Variants in EPB41L3 observed in about 807,000 individuals in gnomAD.
The protein encoded by EPB41L3 is band 4.1-like protein 3.
Under a neutral mutation model 127.1 loss-of-function variants are expected in EPB41L3, and 57 were observed. The ratio of observed to expected loss-of-function variants is 0.45; its 90% confidence interval spans 0.36 to 0.56. The LOEUF is 0.56. Ranked by LOEUF, EPB41L3 falls within the 20% of genes least tolerant of loss-of-function variation. The pLI is 0.00. For synonymous variants in EPB41L3, 572 were observed against 549.5 expected, an observed-to-expected ratio of 1.04 and a Z score of -0.57; for missense variants, 1,273 against 1,372.2, an observed-to-expected ratio of 0.93 and a Z score of 1.14.
chr18:5,406,859 T>G lies in EPB41L3; in HGVS notation c.2267A>C (p.Glu756Ala), dbSNP rs1293929028. The G allele has an allele frequency of 1.4e-5, 22 of 1,614,096 alleles. No homozygotes were observed. Among genetic ancestry groups the G allele is most frequent in the Non-Finnish European group, 1.9e-5 (22 of 1,180,028 alleles). Residue 756 changes from glutamate to alanine, a missense_variant, in exon 16 of 23, where the codon GAG (glutamate) becomes GCG (alanine). This residue lies in a region of EPB41L3 where 765 missense variants were observed against 782.9 expected (regional missense o/e 0.98). Transcript: ENST00000341928. Reference sequence around the variant, plus strand: ...CACGGGGGAGGTGGAAAGCCTCTTCTCCCATTCATTCGTTACGGCAGTGTC... The same window carrying G: ...CACGGGGGAGGTGGAAAGCCTCTTCGCCCATTCATTCGTTACGGCAGTGTC... Reference protein sequence around the residue: ...STDTAVTNEWEKRLSTSPVRL... With the variant: ...STDTAVTNEWAKRLSTSPVRL...
At chr18:5,589,619 A>T (rs1344817112) in intron 3 of EPB41L3, among the ~76,000 whole-genome samples, 3 of 152,214 alleles carry the variant, frequency 2.0e-5, no homozygotes, top group Non-Finnish European at 4.4e-5. Context: ...TCCATTGTTT[A>T]TATATACCCC....
At chr18:5,493,017 T>G (rs1037448074) in intron 1 of EPB41L3, among the ~76,000 whole-genome samples, 1 of 152,206 alleles carries the variant, frequency 6.6e-6, no homozygotes, top group African/African-American at 2.4e-5. Flanking sequence ...GTCATTGCCA[T>G]GCATTTTGGG....
chr18:5,414,269 G>A lies in EPB41L3; in HGVS notation c.2067+1549C>T, dbSNP rs4260157. On this transcript the variant is annotated intron_variant, in intron 13 of 22. Coordinates refer to ENST00000341928, the MANE Select transcript of EPB41L3 (RefSeq NM_012307.5). ...ATATTAAAGCCTAGGATTTCAAGTA[G>A]TTCTCAAAATATTTTCCATGTATAA... Among the ~76,000 whole-genome samples the A allele has an allele frequency of 1.7e-3, 262 of 152,260 alleles. 1 individual carries two copies. Among genetic ancestry groups the A allele is most frequent in the African/African-American group, 6.2e-3 (256 of 41,550 alleles).
At chr18:5,476,203 C>T (rs1234414135) in intron 3 of EPB41L3, among the ~76,000 whole-genome samples, 1 of 151,996 alleles carries the variant, frequency 6.6e-6, no homozygotes, top group Non-Finnish European at 1.5e-5. Flanking sequence ...AGATGTCAGC[C>T]GTGAACATGT....
rs1349274052 is a variant in EPB41L3 at position 5,397,423 on chromosome 18, T to C, written c.2476A>G (p.Met826Val). ...TSTSQSWVQK[M>V]ETKTESSGIE... ...CCACTGGACTCCGTCTTGGTTTCCATTTTCTGCATGGGAAGAGATTGTGGC... is the reference window on the plus strand; with the variant it reads ...CCACTGGACTCCGTCTTGGTTTCCACTTTCTGCATGGGAAGAGATTGTGGC... Residue 826 changes from methionine (M) to valine (V), a missense_variant, in exon 18 of 23, where the codon ATG becomes GTG. Physicochemically the swap from Met to Val is conservative, Grantham distance 21. This residue lies in a region of EPB41L3 where 765 missense variants were observed against 782.9 expected (regional missense o/e 0.98). Transcript: ENST00000341928. This position sits in a 1 kb window ranked among gnomAD's most constrained non-coding sequence, Gnocchi z 4.1. 12 of 1,604,584 alleles carry C rather than the reference T, an allele frequency of 7.5e-6. No homozygotes were observed. The highest frequency in any genetic ancestry group is 1.0e-5 in the Non-Finnish European group (12 of 1,174,538).
chr18:5,406,919 C>G lies in EPB41L3; in HGVS notation c.2207G>C (p.Ser736Thr). ...TTCTAAGAAGGTTCTTTTCAGCTCG[C>G]TAATGTTGGTTTGATGTTTCATCAG... is the stretch of plus-strand genomic sequence containing the variant. The part of the protein sequence containing the change: ...DDLMKHQTNI[S>T]ELKRTFLETS... Residue 736 changes from serine to threonine, a missense_variant, in exon 16 of 23, where the codon AGC (serine) becomes ACC (threonine). Physicochemically the swap from Ser to Thr is moderately conservative, Grantham distance 58 (BLOSUM62 1). Around this residue, in one of 3 missense-constraint regions of EPB41L3, gnomAD observed 765 missense variants for 782.9 expected, o/e 0.98. Transcript: ENST00000341928. The G allele has an allele frequency of 1.9e-6, 3 of 1,614,166 alleles. No homozygotes were observed. The highest frequency in any genetic ancestry group is 2.5e-6 in the Non-Finnish European group (3 of 1,180,022).
chr18:5,517,956 G>A (rs564082617), intron 1 of EPB41L3, among the ~76,000 whole-genome samples: 1 of 152,136 alleles, frequency 6.6e-6, no homozygotes, highest in Non-Finnish European at 1.5e-5. Flanking sequence ...CCTATGCTCA[G>A]TCTTTGAAGA....
intron 1 of EPB41L3, among the ~76,000 whole-genome samples, chr18:5,492,595 G>T (rs567532463): frequency 6.6e-6 from 1 of 152,100 alleles, no homozygotes; most frequent in Non-Finnish European, 1.5e-5. Flanking sequence ...CACTTTGCAC[G>T]AAACTATCTG....
rs916980390 is a variant in EPB41L3 at position 5,513,008 on chromosome 18, G to A, written c.-11-23814C>T. 2.0e-5 allele frequency among the ~76,000 whole-genome samples: 3 copies of A among 152,310 alleles called. No homozygotes were observed. In the East Asian group the frequency reaches 5.8e-4, roughly 29 times the overall value. ...TATAGCAGGATGAGGAAAACAGCAT[G>A]CATGAGGGTGCTTGGGCATCTGGTG... On this transcript the variant is annotated intron_variant, in intron 1 of 22. Coordinates refer to ENST00000341928, the MANE Select transcript of EPB41L3 (RefSeq NM_012307.5).
At chr18:5,628,159 G>A (rs1166033512) in intron 1 of EPB41L3, among the ~76,000 whole-genome samples, 2 of 152,244 alleles carry the variant, frequency 1.3e-5, no homozygotes, top group African/African-American at 4.8e-5. Context: ...TGCGGGGCCC[G>A]TCGGTAACTG....
chr18:5,475,408 G>T (rs896797992), intron 3 of EPB41L3, among the ~76,000 whole-genome samples: 2 of 152,136 alleles, frequency 1.3e-5, no homozygotes, highest in Non-Finnish European at 2.9e-5. Context: ...TCCCCAGTCC[G>T]GTGGCTTCAG....
chr18:5,576,993 G>A (rs539823352), intron 3 of EPB41L3, among the ~76,000 whole-genome samples: 35 of 125,930 alleles, frequency 2.8e-4, no homozygotes, highest in African/African-American at 8.4e-4. Context: ...ACTTTCTGAC[G>A]AATTGGTCAG....
intron 3 of EPB41L3, among the ~76,000 whole-genome samples, chr18:5,450,528 T>C (rs914792440): frequency 1.3e-5 from 2 of 151,910 alleles, no homozygotes; most frequent in Non-Finnish European, 2.9e-5. Flanking sequence ...TGCTCAAGTT[T>C]TTCTATAAAC....
intron 3 of EPB41L3, among the ~76,000 whole-genome samples, chr18:5,612,011 T>C (rs1329270002): frequency 1.3e-5 from 2 of 151,844 alleles, no homozygotes; most frequent in Non-Finnish European, 2.9e-5. Flanking sequence ...TATATACACA[T>C]GTAATTCTAC....
intron 3 of EPB41L3, among the ~76,000 whole-genome samples, chr18:5,563,612 G>C (rs1309695647): frequency 6.6e-6 from 1 of 152,140 alleles, no homozygotes; most frequent in Non-Finnish European, 1.5e-5. Flanking sequence ...CAATGCACTA[G>C]TGCTGACTGC....
rs141587494 is a variant in EPB41L3, at chr18:5,499,508, A to T, written c.-11-10314T>A. On this transcript the variant is annotated intron_variant, in intron 1 of 22. Transcript: ENST00000341928. ...GCTGGGTGCGGTGGCTCATACCTGT[A>T]ATCCCAGCACTTTGAGGGGCCAATG... 1.8e-4 allele frequency among the ~76,000 whole-genome samples: 27 copies of T among 152,232 alleles called. No individual in the cohort carries two copies. The East Asian group carries it at 4.3e-3, about 24-fold the overall frequency.
At chr18:5,453,825 T>C (rs978421776) in intron 3 of EPB41L3, among the ~76,000 whole-genome samples, 3 of 152,182 alleles carry the variant, frequency 2.0e-5, no homozygotes, top group Non-Finnish European at 2.9e-5. Flanking sequence ...GTCTAAGAAG[T>C]GCTACTGACA....
At chr18:5,594,968 G>T (rs1042327760) in intron 3 of EPB41L3, among the ~76,000 whole-genome samples, 7 of 152,198 alleles carry the variant, frequency 4.6e-5, no homozygotes, top group Non-Finnish European at 7.3e-5. Flanking sequence ...AATGCCTTAT[G>T]AGAAACTACT....
intron 3 of EPB41L3, among the ~76,000 whole-genome samples, chr18:5,454,978 C>T (rs1341897473): frequency 6.6e-6 from 1 of 152,214 alleles, no homozygotes; most frequent in East Asian, 1.9e-4. Flanking sequence ...TCTGGTTCTA[C>T]AACTAATCAG....
Sources: gnomAD v4.1 joint callset for allele counts (sites outside exome capture counted in the v4.1 genomes callset) on GRCh38, gnomAD v4.1.1 for gene constraint, gnomAD v4.1.1 regional missense constraint, Gnocchi (gnomAD v3.1) non-coding constraint, MANE v1.5 for transcripts, NCBI Gene and HGNC (gene_info 2026-07-23, HGNC 2026-07-21) for gene names.